DNMBP: variants seen among roughly 807,000 people sequenced by gnomAD.
DNMBP encodes dynamin-binding protein.
In DNMBP, 87 loss-of-function variants were observed where a neutral mutation model predicts 150.0. The ratio of observed to expected loss-of-function variants is 0.58; its 90% CI spans 0.49 to 0.69. The LOEUF (loss-of-function observed/expected upper bound fraction) is 0.69, where lower values mean the gene tolerates loss of function less well. Among genes scored for constraint, DNMBP ranks in the 30% least tolerant of loss-of-function variants. The probability of loss-of-function intolerance (pLI) is 0.00; values close to 1 mark genes in which losing one functional copy is unlikely to be tolerated. For missense variants in DNMBP, 1,774 were observed against 1,949.0 expected, an observed-to-expected ratio of 0.91 and a Z score of 1.69; for synonymous variants, 711 against 750.4, an observed-to-expected ratio of 0.95 and a Z score of 0.86.
intron 1 of DNMBP, among the ~76,000 whole-genome samples, chr10:100,002,158 T>C (rs564526585): frequency 6.6e-6 from 1 of 152,268 alleles, no homozygotes; most frequent in Non-Finnish European, 1.5e-5. Context: ...CTCCTCAACA[T>C]GCTCCCCCAC....
intron 6 of DNMBP, among the ~76,000 whole-genome samples, chr10:99,904,559 C>A (rs1009581810): frequency 2.6e-5 from 4 of 152,078 alleles, no homozygotes; most frequent in Admixed American, 2.0e-4. Context: ...CCCCACTGAA[C>A]GCACGCCTGG....
chr10:99,929,793 C>T (rs1229842731), intron 4 of DNMBP: 5 of 702,786 alleles, frequency 7.1e-6, no homozygotes, highest in East Asian at 5.4e-5. Flanking sequence ...TCCTTGTTCT[C>T]CCCTGGTACA....
intron 4 of DNMBP, among the ~76,000 whole-genome samples, chr10:99,910,933 AT>A (rs1374154077): frequency 1.3e-5 from 2 of 152,150 alleles, no homozygotes; most frequent in Non-Finnish European, 2.9e-5. Flanking sequence ...AGAAGAAATA[AT>A]GGAGTCAGCA....
chr10:99,984,302 T>C (rs1248479277), intron 1 of DNMBP, among the ~76,000 whole-genome samples: 2 of 152,188 alleles, frequency 1.3e-5, no homozygotes, highest in Non-Finnish European at 2.9e-5. Flanking sequence ...GACTCACATT[T>C]CTTAAATAAT....
chr10:99,908,041 C>T lies in DNMBP; in HGVS notation c.2508G>A (p.Lys836=), dbSNP rs776741735. Residue 836 remains lysine (K), a synonymous_variant, in exon 6 of 17, where the codon AAG becomes AAA. Coordinates refer to ENST00000324109, the MANE Select transcript of DNMBP (RefSeq NM_015221.4). ...GAGCAGCCAATAATTGCTTCGAGAC[C>T]TTAATCACCATCTGCATATTTCCAA... is the stretch of plus-strand genomic sequence containing the variant. ...GLFGNMQMVI[K]VSKQLLAALE... is the part of the protein sequence containing the mutation. The T allele has an allele frequency of 4.3e-6, 7 of 1,614,018 alleles. No homozygotes were observed. Among genetic ancestry groups the T allele is most frequent in the African/African-American group, 4.0e-5 (3 of 74,928 alleles).
At position 99,879,873 on chromosome 10, in the gene DNMBP, T is replaced by C; in HGVS notation, c.4486A>G (p.Thr1496Ala). Residue 1496 changes from threonine to alanine, a missense_variant, in exon 16 of 17, where the codon ACA (threonine) becomes GCA (alanine). Transcript: ENST00000324109. ...SQDLVKGCAR[T>A]AQAPEDRSTE... ...CTTCTGTCTTCCGGAGCCTGGGCTG[T>C]TCTTGCACATCCTTTGACGAGGTCT... is the stretch of plus-strand genomic sequence containing the variant. 1 of 1,614,254 alleles carries C rather than the reference T, an allele frequency of 6.2e-7. No individual in the cohort carries two copies. The highest frequency in any genetic ancestry group is 8.5e-7 in the Non-Finnish European group (1 of 1,180,048).
chr10:99,908,232 G>T, intron 5 of DNMBP, 138 bp from the exon 6 acceptor site: 2 of 641,418 alleles, frequency 3.1e-6, no homozygotes, highest in Admixed American at 5.3e-5. Context: ...GAAGTTTCCA[G>T]ACTAGAAATA....
At chr10:99,941,937 C>G (rs1404183401) in intron 4 of DNMBP, among the ~76,000 whole-genome samples, 1 of 152,226 alleles carries the variant, frequency 6.6e-6, no homozygotes, top group Non-Finnish European at 1.5e-5. Flanking sequence ...TAACTGGTCT[C>G]TCAGCCTCTG....
intron 15 of DNMBP, 139 bp from the exon 16 acceptor site, chr10:99,880,500 C>CA (rs2039350621): frequency 1.7e-6 from 2 of 1,192,782 alleles, no homozygotes; most frequent in African/African-American, 1.5e-5. Context: ...AAAGCCAGGC[C>CA]AATAGTGAGA....
chr10:99,956,294 T>A lies in DNMBP; in HGVS notation c.1180A>T (p.Met394Leu), dbSNP rs2040494853. The change falls in exon 4 of 17, where the codon ATG becomes TTG. Residue 394 changes from methionine (M) to leucine (L), a missense_variant. Met to Leu is a conservative substitution (Grantham distance 15). This residue lies in a region of DNMBP where 1,430 missense variants were observed against 1,492.5 expected (regional missense o/e 0.96). Transcript: ENST00000324109. ...PPRSPGVEWE[M>L]PLATDSPTSD... ...GTGGGAGAGTCTGTGGCAAGAGGCA[T>A]TTCCCACTCCACGCCTGGGCTTCTC... The A allele has an allele frequency of 1.2e-6, 2 of 1,613,638 alleles. No homozygotes were observed. The highest frequency in any genetic ancestry group is 1.7e-6 in the Non-Finnish European group (2 of 1,179,958).
intron 15 of DNMBP, among the ~76,000 whole-genome samples, chr10:99,880,898 G>C (rs777825706): frequency 6.6e-6 from 1 of 152,124 alleles, no homozygotes; most frequent in East Asian, 1.9e-4. Context: ...CCAGTTCCCT[G>C]GTCAACACAG....
At chr10:99,990,690 T>C (rs1484354626) in intron 1 of DNMBP, among the ~76,000 whole-genome samples, 1 of 150,674 alleles carries the variant, frequency 6.6e-6, no homozygotes, top group African/African-American at 2.4e-5. Context: ...TACACACATA[T>C]ATATACACAC....
At chr10:99,981,755 G>A (rs78458344) in intron 1 of DNMBP, among the ~76,000 whole-genome samples, 9 of 152,300 alleles carry the variant, frequency 5.9e-5, no homozygotes, top group African/African-American at 2.2e-4. Context: ...CTGGCTTTCA[G>A]TTGGGTTCAG....
chr10:99,877,249 T>C lies in DNMBP; in HGVS notation c.4636A>G (p.Lys1546Glu), dbSNP rs1054575908. The C allele has an allele frequency of 1.2e-6, 2 of 1,614,094 alleles. No individual in the cohort carries two copies. The highest frequency in any genetic ancestry group is 8.5e-7 in the Non-Finnish European group (1 of 1,179,998). The stretch of plus-strand genomic sequence containing the variant: ...CACTCTGTATTTCCTGTAACATCTT[T>C]AAACTCGAGGATCTTGAGTTTCTGA... ...ANQKLKILEFKDVTGNTEWWL... is the reference protein window; with the variant it reads ...ANQKLKILEFEDVTGNTEWWL... Residue 1546 changes from lysine to glutamate, a missense_variant, in exon 17 of 17, where the codon AAA becomes GAA. Lys to Glu is a moderately conservative substitution (Grantham distance 56). Coordinates refer to ENST00000324109, the MANE Select transcript of DNMBP (RefSeq NM_015221.4).
intron 12 of DNMBP, among the ~76,000 whole-genome samples, chr10:99,888,214 G>GATT (rs1554859133): frequency 6.7e-5 from 10 of 149,636 alleles, no homozygotes; most frequent in African/African-American, 2.5e-4. Context: ...TTGTTTGTTT[G>GATT]TTTGTTTTTG....
intron 2 of DNMBP, among the ~76,000 whole-genome samples, chr10:99,969,515 A>C (rs1223110980): frequency 1.3e-5 from 2 of 152,256 alleles, no homozygotes; most frequent in Non-Finnish European, 2.9e-5. Context: ...TTTGGTTTTC[A>C]AAGATCTAAA....
intron 4 of DNMBP, among the ~76,000 whole-genome samples, chr10:99,921,249 T>G (rs932789201): frequency 2.6e-5 from 4 of 152,244 alleles, no homozygotes; most frequent in African/African-American, 9.6e-5. Context: ...TCTGCTCACC[T>G]ACTGTCTTTT....
At chr10:99,949,571 A>G (rs2040396730) in intron 4 of DNMBP, among the ~76,000 whole-genome samples, 1 of 152,202 alleles carries the variant, frequency 6.6e-6, no homozygotes, top group Non-Finnish European at 1.5e-5. Context: ...AGGAATAAGT[A>G]ATTTTATCAT....
At position 99,965,249 on chromosome 10, in the gene DNMBP, G is replaced by T. The variant is rs563229528; in HGVS notation, c.268+3866C>A. On this transcript the variant is annotated intron_variant, in intron 3 of 16. Coordinates refer to ENST00000324109, the MANE Select transcript of DNMBP (RefSeq NM_015221.4). Reference sequence around the variant, plus strand: ...TTTTGTAGATAAGAAAACTGAGGCTGAGAGACTTAAGTAACTAGTCCAAGG... The same window carrying T: ...TTTTGTAGATAAGAAAACTGAGGCTTAGAGACTTAAGTAACTAGTCCAAGG... Among the ~76,000 whole-genome samples, 8 of 152,250 alleles carry T rather than the reference G, an allele frequency of 5.3e-5. No individual in the cohort carries two copies. The South Asian group carries it at 1.7e-3, about 32-fold the overall frequency.
Sources: allele counts gnomAD v4.1 joint callset (sites outside exome capture counted in the v4.1 genomes callset), GRCh38; gene constraint gnomAD v4.1.1; regional missense constraint gnomAD v4.1.1; transcripts MANE v1.5; gene names NCBI Gene and HGNC (gene_info 2026-07-23, HGNC 2026-07-21).